The following PPP1R16B variants were observed in gnomAD, a reference collection of about 807,000 sequenced individuals.
PPP1R16B encodes protein phosphatase 1 regulatory inhibitor subunit 16B.
A neutral mutation model predicts 61.7 loss-of-function variants in PPP1R16B; 14 were observed. The observed-to-expected ratio is 0.23, with a 90% CI of 0.15 to 0.35. PPP1R16B has a LOEUF of 0.35. PPP1R16B is among the 10% of genes least tolerant of loss of function. The pLI, the probability that PPP1R16B is intolerant of heterozygous loss-of-function variation, is 1.00. For synonymous variants in PPP1R16B, 266 were observed against 305.3 expected, an observed-to-expected ratio of 0.87 and a Z score of 1.34; for missense variants, 547 against 752.5, an observed-to-expected ratio of 0.73 and a Z score of 3.19.
chr20:38,875,405 C>T (rs188114616), intron 2 of PPP1R16B, among the ~76,000 whole-genome samples: 66 of 152,302 alleles, frequency 4.3e-4, no homozygotes, highest in African/African-American at 1.2e-3. Context: ...TGCTGCTGCA[C>T]GGGCAGAAGA....
chr20:38,895,717 GC>G lies in PPP1R16B; in HGVS notation c.467+11del. 6.2e-7 allele frequency: 1 copy of G among 1,612,846 alleles called. No homozygotes were observed. Among genetic ancestry groups the G allele is most frequent in the Non-Finnish European group, 8.5e-7 (1 of 1,179,416 alleles). Reference sequence around the variant, plus strand: ...TGAAGATCCTCGTTCAGTAGTACGTGCCCCTCCCTGCCCCAGAGCAGCCTCC... The same window carrying G: ...TGAAGATCCTCGTTCAGTAGTACGTGCCCTCCCTGCCCCAGAGCAGCCTCC... On this transcript the variant is annotated splice_region_variant and intron_variant, in intron 4 of 10. Transcript: ENST00000299824.
At chr20:38,855,528 C>T (rs1200003071) in intron 2 of PPP1R16B, among the ~76,000 whole-genome samples, 7 of 152,036 alleles carry the variant, frequency 4.6e-5, no homozygotes, top group South Asian at 2.1e-4. Context: ...TGCCCACGGA[C>T]GCCGAAAATA....
At chr20:38,904,176 G>A (rs2085421365) in intron 6 of PPP1R16B, among the ~76,000 whole-genome samples, 1 of 152,248 alleles carries the variant, frequency 6.6e-6, no homozygotes, top group Admixed American at 6.5e-5. Context: ...GGTCAGGTAG[G>A]AAGTCTGACT....
chr20:38,882,718 G>A (rs544867247), intron 2 of PPP1R16B, among the ~76,000 whole-genome samples: 1 of 152,336 alleles, frequency 6.6e-6, no homozygotes, highest in African/African-American at 2.4e-5. Flanking sequence ...CAGAAATGCA[G>A]GGTAGTGTGG....
chr20:38,825,658 A>G (rs1455030319), intron 1 of PPP1R16B, among the ~76,000 whole-genome samples: 1 of 152,138 alleles, frequency 6.6e-6, no homozygotes, highest in Non-Finnish European at 1.5e-5. Context: ...CTTATCTACC[A>G]TGGATGCCAC....
intron 2 of PPP1R16B, among the ~76,000 whole-genome samples, chr20:38,865,551 A>G (rs1249779775): frequency 6.6e-6 from 1 of 151,956 alleles, no homozygotes; most frequent in African/African-American, 2.4e-5. Flanking sequence ...TCGGCCTCCT[A>G]AAGCACTGGG....
chr20:38,874,797 G>A (rs2085154688), intron 2 of PPP1R16B, among the ~76,000 whole-genome samples: 1 of 152,162 alleles, frequency 6.6e-6, no homozygotes, highest in Non-Finnish European at 1.5e-5. Context: ...GTCAAGTGTG[G>A]GGGTATTGGA....
chr20:38,871,738 G>A (rs1330682996), intron 2 of PPP1R16B, among the ~76,000 whole-genome samples: 1 of 152,014 alleles, frequency 6.6e-6, no homozygotes, highest in African/African-American at 2.4e-5. Flanking sequence ...AGATAAATGG[G>A]CAGAGATACC....
chr20:38,893,543 C>T lies in PPP1R16B; in HGVS notation c.322-2022C>T, dbSNP rs552893386. 5.3e-5 allele frequency among the ~76,000 whole-genome samples: 8 copies of T among 150,580 alleles called. No individual in the cohort carries two copies. In the South Asian group the frequency reaches 8.5e-4, roughly 16 times the overall value. On this transcript the variant is annotated intron_variant, in intron 3 of 10. Coordinates refer to ENST00000299824, the MANE Select transcript of PPP1R16B (RefSeq NM_015568.4). ...CGATTTAGGAGATGTGCAATTCATA[C>T]CTGGTGATAGATTGAAGCTGGGAAG...
chr20:38,827,805 A>C (rs531414315), intron 1 of PPP1R16B, among the ~76,000 whole-genome samples: 1 of 151,962 alleles, frequency 6.6e-6, no homozygotes, highest in Non-Finnish European at 1.5e-5. Context: ...AAAAAAAATG[A>C]CGCTATTATT....
rs181380761 is a variant in PPP1R16B, at chr20:38,915,073, C to A, written c.1195-3084C>A. 3.0e-3 allele frequency among the ~76,000 whole-genome samples: 454 copies of A among 152,250 alleles called. 2 individuals are homozygous for A. Among genetic ancestry groups the A allele is most frequent in the Admixed American group, 4.4e-3 (68 of 15,294 alleles). ...GATATTTCCCATATACACCCCCCTCCACCCTGGTTTCCCCTGTTATTAACA... is the reference window on the plus strand; with the variant it reads ...GATATTTCCCATATACACCCCCCTCAACCCTGGTTTCCCCTGTTATTAACA... On this transcript the variant is annotated intron_variant, in intron 10 of 10. Coordinates refer to ENST00000299824, the MANE Select transcript of PPP1R16B (RefSeq NM_015568.4).
At chr20:38,892,572 G>C (rs1483570455) in intron 3 of PPP1R16B, among the ~76,000 whole-genome samples, 1 of 152,150 alleles carries the variant, frequency 6.6e-6, no homozygotes, top group African/African-American at 2.4e-5. Context: ...CAGGGCCCCA[G>C]AAGTAAGTTA....
rs16987623 is a variant in PPP1R16B, at chr20:38,829,777, A to G, written c.-101-6048A>G. Among the ~76,000 whole-genome samples, 221 of 152,226 alleles carry G rather than the reference A, an allele frequency of 1.5e-3. 1 individual carries two copies. Among genetic ancestry groups the G allele is most frequent in the African/African-American group, 5.2e-3 (215 of 41,548 alleles). ...GTTTGCAGCACCATGGCAGTTCTTT[A>G]ATTAGACCAAGCAGGGATTTCTCAG... On this transcript the variant is annotated intron_variant, in intron 1 of 10. Coordinates refer to ENST00000299824, the MANE Select transcript of PPP1R16B (RefSeq NM_015568.4).
At chr20:38,916,589 A>G (rs1392733875) in intron 10 of PPP1R16B, among the ~76,000 whole-genome samples, 2 of 151,918 alleles carry the variant, frequency 1.3e-5, no homozygotes. Context: ...CTTTGCACTA[A>G]TGAGAGAGAA....
At chr20:38,824,243 T>G (rs542211134) in intron 1 of PPP1R16B, among the ~76,000 whole-genome samples, 1 of 152,358 alleles carries the variant, frequency 6.6e-6, no homozygotes, top group East Asian at 1.9e-4. Context: ...TCATTTCATG[T>G]ATCTAGTTTA....
chr20:38,881,297 T>C (rs2085201855), intron 2 of PPP1R16B, among the ~76,000 whole-genome samples: 1 of 152,200 alleles, frequency 6.6e-6, no homozygotes, highest in African/African-American at 2.4e-5. Context: ...GTGGAAAGGT[T>C]TCAATTGCTC....
intron 6 of PPP1R16B, among the ~76,000 whole-genome samples, chr20:38,904,779 C>G (rs1481244732): frequency 6.6e-6 from 1 of 152,166 alleles, no homozygotes; most frequent in African/African-American, 2.4e-5. Context: ...CTCTCCAGCC[C>G]AAGACCTCAG....
At chr20:38,867,040 G>A (rs73114229) in intron 2 of PPP1R16B, among the ~76,000 whole-genome samples, 3,744 of 152,216 alleles carry the variant, frequency 0.025, 64 homozygotes, top group Middle Eastern at 0.095. Flanking sequence ...TTCACTTGGC[G>A]TAATGTTTTT....
intron 1 of PPP1R16B, among the ~76,000 whole-genome samples, chr20:38,812,988 G>A (rs2084710981): frequency 6.6e-6 from 1 of 152,136 alleles, no homozygotes; most frequent in South Asian, 2.1e-4. Context: ...GGGGTGTCAA[G>A]CTGCTAGTCT....
Sources: allele counts gnomAD v4.1 joint callset (sites outside exome capture counted in the v4.1 genomes callset), GRCh38; gene constraint gnomAD v4.1.1; transcripts MANE v1.5; gene names NCBI Gene and HGNC (gene_info 2026-07-23, HGNC 2026-07-21).